The following GRIP2 variants were observed in gnomAD, a reference collection of about 807,000 sequenced individuals.
The protein encoded by GRIP2 is glutamate receptor-interacting protein 2.
GRIP2 carries 58 observed loss-of-function variants against 108.3 expected under a neutral mutation model. The ratio of observed to expected loss-of-function variants is 0.54; its 90% CI spans 0.43 to 0.67. The LOEUF is 0.67. GRIP2 is among the 30% of genes least tolerant of loss of function. The pLI is 0.00. For synonymous variants in GRIP2, 586 were observed against 598.2 expected (o/e 0.98, Z 0.30); for missense variants, 1,278 against 1,430.6 (o/e 0.89, Z 1.72).
chr3:14,555,961 C>T, exon 1 of GRIP2: 1 of 399,452 alleles, frequency 2.5e-6, no homozygotes, highest in Non-Finnish European at 4.4e-6. Flanking sequence ...GCATTGTGCC[C>T]TCCTGCCCTC....
chr3:14,498,503 G>A (rs1693677352), intron 21 of GRIP2, among the ~76,000 whole-genome samples: 1 of 152,148 alleles, frequency 6.6e-6, no homozygotes, highest in African/African-American at 2.4e-5. Flanking sequence ...TGTTGGGTTG[G>A]AGTGGGGGGG....
Position 14,507,706 on chromosome 3 carries a change from G to A in GRIP2, c.2079-6C>T. 6.2e-7 allele frequency: 1 copy of A among 1,613,236 alleles called. No individual in the cohort carries two copies. Among genetic ancestry groups the A allele is most frequent in the Non-Finnish European group, 8.5e-7 (1 of 1,179,190 alleles). On this transcript the variant is annotated splice_region_variant and splice_polypyrimidine_tract_variant and intron_variant, in intron 17 of 23. Coordinates refer to ENST00000621039, the MANE Select transcript of GRIP2 (RefSeq NM_001080423.4). The surrounding 1 kb of genome is among the most constrained non-coding windows in gnomAD (Gnocchi z 4.6). ...CCACGTGGATGGCACCAGTCCTGAG[G>A]AGTGGATGCAGGGCAGAGAATGGGA...
intron 3 of GRIP2, among the ~76,000 whole-genome samples, 193 bp from the exon 4 acceptor site, chr3:14,524,731 C>G (rs1694508041): frequency 6.6e-6 from 1 of 152,210 alleles, no homozygotes; most frequent in Non-Finnish European, 1.5e-5. Context: ...GACTGACACC[C>G]AGGTCCCAGG....
At position 14,517,199 on chromosome 3, in the gene GRIP2, G is replaced by A. The variant is rs1354053803; in HGVS notation, c.1171C>T (p.Pro391Ser). 1.6e-5 allele frequency: 25 copies of A among 1,594,350 alleles called. No individual in the cohort carries two copies. The highest frequency in any genetic ancestry group is 8.7e-5 in the Admixed American group (5 of 57,342). The change falls in exon 11 of 24, where the codon CCC (proline) becomes TCC (serine). Residue 391 changes from proline (P) to serine (S), a missense_variant. Coordinates refer to ENST00000621039, the MANE Select transcript of GRIP2 (RefSeq NM_001080423.4). ...TGGTTCAAGGTCGGCGAGGAAAAGGGAGTTGAAGACAAGGCTGGGGAGATG... is the reference window on the plus strand; with the variant it reads ...TGGTTCAAGGTCGGCGAGGAAAAGGAAGTTGAAGACAAGGCTGGGGAGATG... The part of the protein sequence containing the change: ...QDQSRSLSST[P>S]FSSPTLNHAF...
At chr3:14,524,329 G>A in intron 4 of GRIP2, 64 bp downstream of exon 4, 1 of 1,540,206 alleles carries the variant, frequency 6.5e-7, no homozygotes, top group South Asian at 1.2e-5. Context: ...GCCCTGGTGG[G>A]GAGGTAGCCG....
chr3:14,505,596 C>G lies in GRIP2; in HGVS notation c.2573+19G>C. 1 of 1,604,330 alleles carries G rather than the reference C, an allele frequency of 6.2e-7. No individual in the cohort carries two copies. Among genetic ancestry groups the G allele is most frequent in the Non-Finnish European group, 8.5e-7 (1 of 1,175,470 alleles). ...GACACTGTGACTCCCTCCTCCTTCA[C>G]GGTGCTCCCACCACAGACCTCGTTG... On this transcript the variant is annotated intron_variant, in intron 20 of 23. Transcript: ENST00000621039. This position sits in a 1 kb window ranked among gnomAD's most constrained non-coding sequence, Gnocchi z 4.2.
At chr3:14,529,423 G>A (rs1470469459) in intron 1 of GRIP2, among the ~76,000 whole-genome samples, 1 of 151,904 alleles carries the variant, frequency 6.6e-6, no homozygotes, top group East Asian at 1.9e-4. Flanking sequence ...AACAAATCCT[G>A]GGCATAATGC....
rs148393805 is a variant in GRIP2 at position 14,493,709 on chromosome 3, G to T, written c.3088C>A (p.Arg1030=). 1.9e-5 allele frequency: 31 copies of T among 1,609,326 alleles called. No homozygotes were observed. In the Admixed American group the frequency reaches 4.7e-4, roughly 24 times the overall value. The change falls in exon 24 of 24, where the codon CGG becomes AGG. Residue 1030 remains arginine (R), a synonymous_variant. Transcript: ENST00000621039. ...CTGGGGCCTGGCGATCGGGGGGCCC[G>T]GCTGCTGTGTGCCGTGTGCGGCTTG... The part of the protein sequence containing the change: ...SRKPHTAHSS[R]APRSPGPSSP...
chr3:14,538,101 G>GTCCTGAAGGACTTCTCTGCTCCTGAGA (rs1315948261), intron 1 of GRIP2, among the ~76,000 whole-genome samples: 4 of 152,202 alleles, frequency 2.6e-5, no homozygotes, highest in Non-Finnish European at 5.9e-5. Context: ...GACCCACCCA[G>GTCCTGAAGGACTTCTCTGCTCCTGAGA]AGTCCATCAG....
Position 14,530,788 on chromosome 3 carries a change from G to T in GRIP2, c.41-4857C>A, listed in dbSNP as rs981372532. Among the ~76,000 whole-genome samples the T allele has an allele frequency of 2.0e-5, 3 of 152,146 alleles. No individual in the cohort carries two copies. In the South Asian group the frequency reaches 6.2e-4, roughly 32 times the overall value. ...GGGTAGATGAGATATTTTGATACAG[G>T]TACGCACTGCATAATAATCACATCA... On this transcript the variant is annotated intron_variant, in intron 1 of 23. Transcript: ENST00000621039.
At chr3:14,514,213 G>T in intron 12 of GRIP2, 79 bp downstream of exon 12, 2 of 1,290,138 alleles carry the variant, frequency 1.6e-6, no homozygotes, top group Non-Finnish European at 1.1e-6. Context: ...AGATGCGCTT[G>T]TGAAGCTAGG....
Position 14,517,063 on chromosome 3 carries a change from C to A in GRIP2, c.1306+1G>T. 6.4e-7 allele frequency: 1 copy of A among 1,557,456 alleles called. No individual in the cohort carries two copies. ...GGAGGAGGGAAGAGACCACAGCTTACACGAGCTCTTGTGTTCCCTTCTTCG... is the reference window on the plus strand; with the variant it reads ...GGAGGAGGGAAGAGACCACAGCTTAAACGAGCTCTTGTGTTCCCTTCTTCG... On this transcript the variant is annotated splice_donor_variant, in intron 11 of 23. Coordinates refer to ENST00000621039, the MANE Select transcript of GRIP2 (RefSeq NM_001080423.4). LOFTEE classifies it high-confidence loss of function.
Position 14,513,813 on chromosome 3 carries a change from G to A in GRIP2, c.1494-3C>T. On this transcript the variant is annotated splice_region_variant and splice_polypyrimidine_tract_variant and intron_variant, in intron 12 of 23. Coordinates refer to ENST00000621039, the MANE Select transcript of GRIP2 (RefSeq NM_001080423.4). ...CCCCCACCTGCAGCAGCCCACACCT[G>A]AACCCAGGGGGCCCGGCAGAGAGAA... 8 of 1,611,902 alleles carry A rather than the reference G, an allele frequency of 5.0e-6. No homozygotes were observed. Among genetic ancestry groups the A allele is most frequent in the Non-Finnish European group, 6.8e-6 (8 of 1,178,932 alleles).
chr3:14,520,422 G>T lies in GRIP2; in HGVS notation c.828C>A (p.Ile276=), dbSNP rs746746733. ...CCACGCTGGCTGGCTTGATGCGGTC[G>T]ATGGTAATGACTGACTTGTTCCGGA... ...TSLRNKSVIT[I]DRIKPASVVD... is the part of the protein sequence containing the mutation. Residue 276 remains isoleucine, a synonymous_variant, in exon 8 of 24, where the codon ATC becomes ATA. Transcript: ENST00000621039. The T allele has an allele frequency of 1.2e-6, 2 of 1,613,312 alleles. No homozygotes were observed. The highest frequency in any genetic ancestry group is 3.3e-5 in the Admixed American group (2 of 59,928).
At chr3:14,524,273 T>A in intron 4 of GRIP2, 120 bp downstream of exon 4, 1 of 1,180,358 alleles carries the variant, frequency 8.5e-7, no homozygotes, top group East Asian at 2.6e-5. Flanking sequence ...TTGTGGCCAG[T>A]CTCCAGGTTC....
At chr3:14,569,989 C>T in the GRIP2 span, among the ~76,000 whole-genome samples, 1 of 152,064 alleles carries the variant, frequency 6.6e-6, no homozygotes, top group African/African-American at 2.4e-5. Context: ...AACTGAGGCT[C>T]GGAGAGGTGA....
chr3:14,530,643 TCAAA>T (rs1694685977), intron 1 of GRIP2, among the ~76,000 whole-genome samples: 1 of 152,226 alleles, frequency 6.6e-6, no homozygotes, highest in Non-Finnish European at 1.5e-5. Flanking sequence ...GGATTGTTTT[TCAAA>T]TTTCATTTTC....
At chr3:14,559,953 T>C (rs990366106), upstream of GRIP2, among the ~76,000 whole-genome samples, 42 of 152,180 alleles carry the variant, frequency 2.8e-4, no homozygotes, top group African/African-American at 1.0e-3. Flanking sequence ...GATTTGATGA[T>C]TTATGCTAGG....
rs556577876 is a variant in GRIP2, at chr3:14,512,762, C to T, written c.1720+15G>A. 142 of 1,610,780 alleles carry T rather than the reference C, an allele frequency of 8.8e-5. 1 individual carries two copies. Among genetic ancestry groups the T allele is most frequent in the South Asian group, 8.5e-4 (77 of 90,966 alleles). ...GCTCGCTCCCAGGGGCAAACAGCAG[C>T]GGGAGGAGACTCACAGCTGATGGTG... On this transcript the variant is annotated intron_variant, in intron 14 of 23. Coordinates refer to ENST00000621039, the MANE Select transcript of GRIP2 (RefSeq NM_001080423.4). This position sits in a 1 kb window ranked among gnomAD's most constrained non-coding sequence, Gnocchi z 5.1.
Sources: allele counts gnomAD v4.1 joint callset (sites outside exome capture counted in the v4.1 genomes callset), GRCh38; gene constraint gnomAD v4.1.1; non-coding constraint Gnocchi (gnomAD v3.1); transcripts MANE v1.5; gene names NCBI Gene and HGNC (gene_info 2026-07-23, HGNC 2026-07-21).